The following CENPP variants were observed in gnomAD, a reference collection of about 807,000 sequenced individuals.
CENPP encodes the protein centromere protein P.
A neutral mutation model predicts 35.6 loss-of-function variants in CENPP; 24 were observed. That is an observed-to-expected ratio of 0.67 (90% CI 0.49 to 0.95). The LOEUF is 0.95. CENPP is among the 40% of genes least tolerant of loss of function. The pLI is 0.00. For synonymous variants in CENPP, 120 were observed against 125.5 expected, an observed-to-expected ratio of 0.96 and a Z score of 0.29; for missense variants, 332 against 345.3, an observed-to-expected ratio of 0.96 and a Z score of 0.31.
At chr9:92,537,527 G>A (rs1485336462) in intron 5 of CENPP, among the ~76,000 whole-genome samples, 3 of 152,070 alleles carry the variant, frequency 2.0e-5, no homozygotes, top group Non-Finnish European at 4.4e-5. Flanking sequence ...GAGTATGGTA[G>A]CACATGCCTG....
chr9:92,394,966 T>C (rs1348133542), intron 5 of CENPP, among the ~76,000 whole-genome samples: 1 of 152,228 alleles, frequency 6.6e-6, no homozygotes, highest in Non-Finnish European at 1.5e-5. Flanking sequence ...CCATAAGTCA[T>C]AATCTGTGTT....
intron 5 of CENPP, chr9:92,414,804 T>C (rs1400022415): frequency 4.2e-6 from 1 of 239,406 alleles, no homozygotes; most frequent in Non-Finnish European, 8.1e-6. Flanking sequence ...TTACTGCTAA[T>C]GCTACTTCCT....
intron 5 of CENPP, among the ~76,000 whole-genome samples, chr9:92,449,019 A>G (rs780545212): frequency 5.3e-5 from 8 of 152,194 alleles, no homozygotes; most frequent in Non-Finnish European, 1.0e-4. Flanking sequence ...TGCAAAGGTG[A>G]TTTCAAAGTG....
intron 5 of CENPP, among the ~76,000 whole-genome samples, chr9:92,582,741 A>G (rs934747166): frequency 6.6e-6 from 1 of 152,156 alleles, no homozygotes; most frequent in Non-Finnish European, 1.5e-5. Flanking sequence ...CAAGTAATAG[A>G]AACAACACTT....
chr9:92,406,155 G>T (rs572061125), intron 5 of CENPP, among the ~76,000 whole-genome samples: 1 of 152,170 alleles, frequency 6.6e-6, no homozygotes, highest in African/African-American at 2.4e-5. Context: ...TAGGCAAGGG[G>T]ATCATCACGT....
intron 5 of CENPP, among the ~76,000 whole-genome samples, chr9:92,587,846 C>G (rs1225333792): frequency 6.6e-6 from 1 of 152,084 alleles, no homozygotes; most frequent in East Asian, 1.9e-4. Context: ...TACTTTTGAG[C>G]CAGGCACGGT....
intron 5 of CENPP, among the ~76,000 whole-genome samples, chr9:92,410,694 A>G (rs758879347): frequency 1.1e-4 from 16 of 152,194 alleles, no homozygotes; most frequent in Non-Finnish European, 1.9e-4. Context: ...GTGCCAGGAA[A>G]AACAGTGTGA....
intron 5 of CENPP, among the ~76,000 whole-genome samples, chr9:92,396,544 A>G (rs1842897991): frequency 7.0e-6 from 1 of 143,850 alleles, no homozygotes; most frequent in Non-Finnish European, 1.5e-5. Context: ...TTTAGATTTC[A>G]GTGTACAGGC....
chr9:92,458,549 A>G (rs1263800550), intron 5 of CENPP, among the ~76,000 whole-genome samples: 1 of 152,216 alleles, frequency 6.6e-6, no homozygotes, highest in Non-Finnish European at 1.5e-5. Context: ...AACCTGCTGG[A>G]CATCAGTGTG....
At chr9:92,404,890 G>T (rs1015901944) in intron 5 of CENPP, among the ~76,000 whole-genome samples, 4 of 152,082 alleles carry the variant, frequency 2.6e-5, no homozygotes, top group Non-Finnish European at 5.9e-5. Context: ...TTTCCCAGGA[G>T]ATCAAACAAT....
intron 5 of CENPP, among the ~76,000 whole-genome samples, chr9:92,439,662 TC>T (rs1162032807): frequency 6.6e-6 from 1 of 152,240 alleles, no homozygotes; most frequent in Non-Finnish European, 1.5e-5. Flanking sequence ...CTCTTTGTCT[TC>T]CTATTATTTT....
At chr9:92,443,303 C>T (rs1844468580) in intron 5 of CENPP, among the ~76,000 whole-genome samples, 1 of 151,890 alleles carries the variant, frequency 6.6e-6, no homozygotes, top group South Asian at 2.1e-4. Flanking sequence ...CATATATTAC[C>T]AATACATAAT....
chr9:92,505,954 TA>T (rs1409821268), intron 5 of CENPP, among the ~76,000 whole-genome samples: 1 of 151,984 alleles, frequency 6.6e-6, no homozygotes, highest in East Asian at 1.9e-4. Flanking sequence ...ACAATATGTG[TA>T]AGGAACAGAA....
At chr9:92,448,639 C>T (rs1844615660) in intron 5 of CENPP, among the ~76,000 whole-genome samples, 1 of 151,932 alleles carries the variant, frequency 6.6e-6, no homozygotes, top group African/African-American at 2.4e-5. Context: ...GGCTGAATTG[C>T]TTCTGGATGG....
chr9:92,587,409 T>A (rs1444238962), intron 5 of CENPP, among the ~76,000 whole-genome samples: 3 of 151,336 alleles, frequency 2.0e-5, no homozygotes, highest in Admixed American at 2.0e-4. Flanking sequence ...GTGGAGGTTG[T>A]GGTGAGCCGA....
In CENPP at chr9:92,581,108, G is replaced by A. The variant is rs930139876; in HGVS notation, c.565-30206G>A. 5.3e-5 allele frequency among the ~76,000 whole-genome samples: 8 copies of A among 152,000 alleles called. No homozygotes were observed. The South Asian group carries it at 6.3e-4, about 12-fold the overall frequency. ...TTGTTCAGTTTCCATGTAGTTGAGC[G>A]GTTTTGAGTGAGATTCTTAATCCTG... On this transcript the variant is annotated intron_variant, in intron 5 of 7. Transcript: ENST00000375587.
At chr9:92,455,650 C>T (rs1844851671) in intron 5 of CENPP, among the ~76,000 whole-genome samples, 1 of 152,018 alleles carries the variant, frequency 6.6e-6, no homozygotes. Flanking sequence ...TTCCCCCTCG[C>T]CCCCAAGTTA....
At chr9:92,562,718 C>T (rs1260807928) in intron 5 of CENPP, among the ~76,000 whole-genome samples, 4 of 152,048 alleles carry the variant, frequency 2.6e-5, no homozygotes, top group Non-Finnish European at 5.9e-5. Context: ...GTAGTTTTAC[C>T]ATTTGCTGGG....
chr9:92,551,989 A>G (rs1319830265), intron 5 of CENPP, among the ~76,000 whole-genome samples: 2 of 125,838 alleles, frequency 1.6e-5, no homozygotes, highest in Non-Finnish European at 1.7e-5. Flanking sequence ...GTGTGTATAT[A>G]TGTGATATAT....
Sources: gnomAD v4.1 joint callset for allele counts (sites outside exome capture counted in the v4.1 genomes callset) on GRCh38, gnomAD v4.1.1 for gene constraint, MANE v1.5 for transcripts, NCBI Gene and HGNC (gene_info 2026-07-23, HGNC 2026-07-21) for gene names.